DCDC2: variants seen among roughly 807,000 people sequenced by gnomAD.
DCDC2 encodes the protein doublecortin domain containing 2, also known as doublecortin domain-containing protein 2.
DCDC2 carries 40 observed loss-of-function variants against 50.2 expected under a neutral mutation model. The observed-to-expected ratio is 0.80, with a 90% CI of 0.62 to 1.04. DCDC2 has a LOEUF of 1.04. Among genes scored for constraint, DCDC2 ranks in the 50% least tolerant of loss-of-function variants. The probability of loss-of-function intolerance (pLI) is 0.00; values close to 1 mark genes in which losing one functional copy is unlikely to be tolerated. For synonymous variants in DCDC2, 234 were observed against 210.6 expected (o/e 1.11, Z -0.96); for missense variants, 570 against 581.9 (o/e 0.98, Z 0.21).
chr6:24,376,028 GAAAAAAA>G, the DCDC2 span, among the ~76,000 whole-genome samples: 41 of 149,260 alleles, frequency 2.7e-4, no homozygotes, highest in African/African-American at 7.9e-4. Context: ...GCATCTCCTG[GAAAAAAA>G]AAAACAAAAA....
intron 8 of DCDC2, among the ~76,000 whole-genome samples, chr6:24,192,249 T>C (rs1761329960): frequency 6.6e-6 from 1 of 152,192 alleles, no homozygotes; most frequent in African/African-American, 2.4e-5. Context: ...AGCTAGGTTC[T>C]TATCAACAAG....
chr6:24,307,712 T>C (rs1759498247), intron 2 of DCDC2, among the ~76,000 whole-genome samples: 2 of 151,956 alleles, frequency 1.3e-5, no homozygotes, highest in Non-Finnish European at 2.9e-5. Context: ...ATACACCAGA[T>C]ACATCCAAAT....
intron 7 of DCDC2, among the ~76,000 whole-genome samples, chr6:24,247,582 T>G (rs2113796394): frequency 6.6e-6 from 1 of 152,230 alleles, no homozygotes; most frequent in East Asian, 1.9e-4. Flanking sequence ...CAAACAAACT[T>G]TCTGAATAAA....
At chr6:24,359,438 C>T (rs71535565), upstream of DCDC2, among the ~76,000 whole-genome samples, 57,363 of 60,680 alleles carry the variant, frequency 0.95, 27,078 homozygotes, top group Non-Finnish European at 0.95. Context: ...TTTATATATA[C>T]TATATAGTAT....
chr6:24,376,205 C>T, the DCDC2 span, among the ~76,000 whole-genome samples: 60 of 152,264 alleles, frequency 3.9e-4, no homozygotes, highest in Non-Finnish European at 2.5e-4. Flanking sequence ...GATGTGGCTA[C>T]AAGTAAAACC....
rs1554142065 is a variant in DCDC2 at position 24,172,989 on chromosome 6, A to AAAAAATAATAAT, written c.*1740_*1741insATTATTATTTTT. 5 of 145,938 alleles carry AAAAAATAATAAT rather than the reference A, an allele frequency of 3.4e-5. No homozygotes were observed. Among genetic ancestry groups the AAAAAATAATAAT allele is most frequent in the East Asian group, 2.1e-4 (1 of 4,864 alleles). 9.0% of individuals were successfully genotyped at this position (145,938 alleles called of 1,614,324 possible). Reference sequence around the variant, plus strand: ...GACAAGAGCAAGACTTCATCTCAAAAAATAATAATAATAATAATAATAATA... The same window carrying AAAAAATAATAAT: ...GACAAGAGCAAGACTTCATCTCAAAAAAAAATAATAATAATAATAATAATAATAATAATAATA... On this transcript the variant is annotated 3_prime_UTR_variant, in exon 10 of 10. Coordinates refer to ENST00000378454, the MANE Select transcript of DCDC2 (RefSeq NM_016356.5).
chr6:24,256,739 A>C (rs1445360812), intron 7 of DCDC2, among the ~76,000 whole-genome samples: 2 of 152,244 alleles, frequency 1.3e-5, no homozygotes, highest in Admixed American at 1.3e-4. Flanking sequence ...CCTTTAGTCC[A>C]AAGTGGCTTT....
At chr6:24,352,908 CA>C (rs981398348) in intron 2 of DCDC2, among the ~76,000 whole-genome samples, 2 of 152,164 alleles carry the variant, frequency 1.3e-5, no homozygotes, top group African/African-American at 4.8e-5. Flanking sequence ...GCTGTGGCCC[CA>C]ACTTTGTTTT....
intron 4 of DCDC2, among the ~76,000 whole-genome samples, chr6:24,301,098 T>A (rs192857822): frequency 1.3e-5 from 2 of 149,858 alleles, no homozygotes; most frequent in East Asian, 2.0e-4. Context: ...TGGGCCGGGC[T>A]TGGTGGCTCA....
intron 8 of DCDC2, among the ~76,000 whole-genome samples, chr6:24,193,200 C>A (rs968442152): frequency 1.3e-5 from 2 of 152,032 alleles, no homozygotes; most frequent in Non-Finnish European, 2.9e-5. Context: ...TGCAAAGTCT[C>A]AGAAAAATGT....
At chr6:24,358,888 T>TAATATATTATATATTATATA (rs1561788413), upstream of DCDC2, among the ~76,000 whole-genome samples, 1 of 14,886 alleles carries the variant, frequency 6.7e-5, no homozygotes, top group South Asian at 1.6e-3. Flanking sequence ...ATTATATATA[T>TAATATATTATATATTATATA]TTATATATAT....
At chr6:24,210,083 C>CCTGCCTGCCTGCCTGT (rs1358528282) in intron 7 of DCDC2, among the ~76,000 whole-genome samples, 1 of 144,574 alleles carries the variant, frequency 6.9e-6, no homozygotes, top group African/African-American at 2.7e-5. Context: ...TGCCTGCCTG[C>CCTGCCTGCCTGCCTGT]CTGTCTGTCT....
Position 24,291,040 on chromosome 6 carries a change from G to A in DCDC2, c.596C>T (p.Ala199Val). The stretch of plus-strand genomic sequence containing the variant: ...ATAAAACTGCCCATTCTCCAACTCT[G>A]CTCCACTCTCAACAAGTTTTCCTTC... Reference protein sequence around the residue: ...TLEGKLVESGAELENGQFYVA... With the variant: ...TLEGKLVESGVELENGQFYVA... The change falls in exon 5 of 10, where the codon GCA (alanine) becomes GTA (valine). Residue 199 changes from alanine to valine, a missense_variant. Transcript: ENST00000378454. 3 of 1,613,682 alleles carry A rather than the reference G, an allele frequency of 1.9e-6. No individual in the cohort carries two copies. Among genetic ancestry groups the A allele is most frequent in the Non-Finnish European group, 2.5e-6 (3 of 1,179,886 alleles).
intron 7 of DCDC2, among the ~76,000 whole-genome samples, chr6:24,262,741 C>T (rs547687236): frequency 2.6e-5 from 4 of 152,364 alleles, no homozygotes; most frequent in African/African-American, 9.6e-5. Context: ...GATGACATTT[C>T]CAGACACACC....
At chr6:24,326,116 A>G (rs1474954369) in intron 2 of DCDC2, among the ~76,000 whole-genome samples, 1 of 147,430 alleles carries the variant, frequency 6.8e-6, no homozygotes, top group South Asian at 2.3e-4. Flanking sequence ...AGAGAGAAAG[A>G]CAGGGAGAAA....
intron 8 of DCDC2, among the ~76,000 whole-genome samples, chr6:24,199,549 A>T (rs925729995): frequency 6.6e-6 from 1 of 152,234 alleles, no homozygotes; most frequent in East Asian, 1.9e-4. Flanking sequence ...ATCCACAAAG[A>T]TGACAATAAA....
At chr6:24,299,412 C>A (rs1478361293) in intron 4 of DCDC2, among the ~76,000 whole-genome samples, 1 of 152,024 alleles carries the variant, frequency 6.6e-6, no homozygotes, top group Non-Finnish European at 1.5e-5. Context: ...CATCTGTACC[C>A]GAAATCTCAG....
At chr6:24,224,888 C>G (rs533861242) in intron 7 of DCDC2, among the ~76,000 whole-genome samples, 3 of 152,166 alleles carry the variant, frequency 2.0e-5, no homozygotes, top group Non-Finnish European at 2.9e-5. Context: ...TTTAAAAGAG[C>G]CTTAAAGAGG....
the DCDC2 span, among the ~76,000 whole-genome samples, chr6:24,369,997 T>C: frequency 0.012 from 1,865 of 151,642 alleles, 36 homozygotes; most frequent in African/African-American, 0.042. Flanking sequence ...TGAGCTGAGA[T>C]CACACCACTG....
Sources: allele counts gnomAD v4.1 joint callset (sites outside exome capture counted in the v4.1 genomes callset), GRCh38; gene constraint gnomAD v4.1.1; transcripts MANE v1.5; gene names NCBI Gene and HGNC (gene_info 2026-07-23, HGNC 2026-07-21).